The following POR variants were observed in gnomAD, a reference collection of about 807,000 sequenced individuals.
The protein encoded by POR is NADPH--cytochrome P450 reductase.
In POR, 56 loss-of-function variants were observed where a neutral mutation model predicts 84.0. The ratio of observed to expected loss-of-function variants is 0.67; its 90% CI spans 0.54 to 0.83. The LOEUF is 0.83. POR is among the 40% of genes least tolerant of loss of function. POR has a pLI of 0.00. For missense variants in POR, 938 were observed against 944.3 expected, an observed-to-expected ratio of 0.99 and a Z score of 0.09; for synonymous variants, 414 against 400.5, an observed-to-expected ratio of 1.03 and a Z score of -0.40.
At chr7:75,923,640 C>T (rs551525243) in intron 1 of POR, among the ~76,000 whole-genome samples, 27 of 152,248 alleles carry the variant, frequency 1.8e-4, no homozygotes, top group Admixed American at 9.8e-4. Context: ...ATAATCCTAG[C>T]ACTTTGGGAG....
rs781824220 is a variant in POR, at chr7:75,981,088, C to A, written c.557C>A (p.Ala186Asp). 3.8e-6 allele frequency: 6 copies of A among 1,574,578 alleles called. No homozygotes were observed. In the South Asian group the frequency reaches 5.8e-5, roughly 15 times the overall value. ...AACAAGACCTACGAGCACTTCAATG[C>A]CATGGGCAAGTACGTGGACAAGCGG... Residue 186 changes from alanine (A) to aspartate (D), a missense_variant, in exon 6 of 16, where the codon GCC becomes GAC. Ala to Asp is a moderately radical substitution (Grantham distance 126). Transcript: ENST00000461988.
At chr7:75,985,515 CT>C in intron 12 of POR, 63 bp from the exon 13 acceptor site, 1 of 1,452,046 alleles carries the variant, frequency 6.9e-7, no homozygotes, top group South Asian at 1.5e-5. Flanking sequence ...CAGAACGGGA[CT>C]TGGGGCCGGG....
chr7:75,980,228 C>T (rs1788935556), intron 4 of POR, 111 bp from the exon 5 acceptor site: 1 of 1,309,098 alleles, frequency 7.6e-7, no homozygotes, highest in South Asian at 1.4e-5. Context: ...ACTCAGACAT[C>T]CCTGGCCTGG....
At chr7:75,927,114 A>G (rs1166554677) in intron 1 of POR, among the ~76,000 whole-genome samples, 1 of 152,196 alleles carries the variant, frequency 6.6e-6, no homozygotes, top group Non-Finnish European at 1.5e-5. Flanking sequence ...TGGTTCCACC[A>G]TTTATCGATT....
intron 8 of POR, 155 bp from the exon 9 acceptor site, chr7:75,983,365 G>C: frequency 1.6e-6 from 1 of 614,898 alleles, no homozygotes; most frequent in Non-Finnish European, 2.9e-6. Context: ...GAACTGCATT[G>C]GACCAGGCTG....
At chr7:75,977,568 G>A (rs1554557026) in intron 3 of POR, among the ~76,000 whole-genome samples, 1 of 152,180 alleles carries the variant, frequency 6.6e-6, no homozygotes, top group Non-Finnish European at 1.5e-5. Flanking sequence ...CTGAGGTCAG[G>A]AGTTCGAGAC....
At chr7:75,963,557 T>G (rs560849081) in intron 2 of POR, among the ~76,000 whole-genome samples, 2 of 152,184 alleles carry the variant, frequency 1.3e-5, no homozygotes, top group Admixed American at 1.3e-4. Flanking sequence ...CTGACTTCAC[T>G]GGGCCCTGTC....
At chr7:75,981,694 C>A in intron 7 of POR, 88 bp downstream of exon 7, 2 of 1,129,298 alleles carry the variant, frequency 1.8e-6, no homozygotes, top group Non-Finnish European at 1.3e-6. Context: ...GGCAGTGGGT[C>A]GCAGCAAGGT....
chr7:75,973,515 G>C (rs782397503), intron 3 of POR, among the ~76,000 whole-genome samples: 3 of 151,260 alleles, frequency 2.0e-5, no homozygotes, highest in African/African-American at 7.3e-5. Flanking sequence ...ACAGGTTCTC[G>C]CTATGTTGCC....
intron 1 of POR, among the ~76,000 whole-genome samples, chr7:75,943,181 C>T (rs1015279565): frequency 3.3e-5 from 5 of 152,044 alleles, no homozygotes; most frequent in Non-Finnish European, 5.9e-5. Context: ...TCGATCTCCT[C>T]ACCTTGTGAT....
In POR at chr7:75,986,404, A is replaced by G. The variant is rs782091189; in HGVS notation, c.1966A>G (p.Met656Val). The G allele has an allele frequency of 5.6e-6, 9 of 1,612,460 alleles. No homozygotes were observed. In the South Asian group the frequency reaches 7.7e-5, roughly 14 times the overall value. Residue 656 changes from methionine (M) to valine (V), a missense_variant, in exon 16 of 16, where the codon ATG becomes GTG. By Grantham distance (21) the Met-to-Val change is conservative. Transcript: ENST00000461988. The stretch of plus-strand genomic sequence containing the variant: ...CGACATCGTGGCTGAGCTCGGGGCC[A>G]TGGAGCACGCGCAGGCGGTGGACTA...
At chr7:75,977,504 G>A (rs576795661) in intron 3 of POR, among the ~76,000 whole-genome samples, 44 of 152,270 alleles carry the variant, frequency 2.9e-4, no homozygotes, top group African/African-American at 9.4e-4. Flanking sequence ...GGCTGGGTGC[G>A]GTGGCTCACG....
intron 3 of POR, among the ~76,000 whole-genome samples, chr7:75,975,166 T>C (rs1321571232): frequency 5.3e-5 from 8 of 152,076 alleles, no homozygotes; most frequent in Non-Finnish European, 7.4e-5. Flanking sequence ...TATTTTTTTT[T>C]TCTAGTACTT....
intron 2 of POR, among the ~76,000 whole-genome samples, chr7:75,968,575 G>A (rs1788290717): frequency 6.6e-6 from 1 of 152,242 alleles, no homozygotes; most frequent in African/African-American, 2.4e-5. Flanking sequence ...CCCCCAGCAG[G>A]GCCTTGGGTT....
rs182224316 is a variant in POR, at chr7:75,928,703, C to T, written c.-5+13524C>T. On this transcript the variant is annotated intron_variant, in intron 1 of 15. Coordinates refer to ENST00000461988, the MANE Select transcript of POR (RefSeq NM_000941.3). ...GCTTGAAGCCATGTGATGTGGGTCACTGCCCAGGAGGACTTTTTTCTAGTG... is the reference window on the plus strand; with the variant it reads ...GCTTGAAGCCATGTGATGTGGGTCATTGCCCAGGAGGACTTTTTTCTAGTG... 2.1e-5 allele frequency among the ~76,000 whole-genome samples: 3 copies of T among 140,048 alleles called. No homozygotes were observed. In the East Asian group the frequency reaches 6.3e-4, roughly 29 times the overall value. The allele number at this position is 140,048 out of a possible 152,430, so 91.9% of individuals were successfully genotyped here.
At chr7:75,962,778 A>G (rs1554554683) in intron 2 of POR, among the ~76,000 whole-genome samples, 1 of 152,174 alleles carries the variant, frequency 6.6e-6, no homozygotes, top group African/African-American at 2.4e-5. Context: ...GCAACTGCCA[A>G]TCTTATTTCT....
At chr7:75,984,050 C>T (rs912019417) in intron 10 of POR, among the ~76,000 whole-genome samples, 194 bp downstream of exon 10, 3 of 152,172 alleles carry the variant, frequency 2.0e-5, no homozygotes, top group African/African-American at 4.8e-5. Context: ...CCCTCTCTGT[C>T]GGGGTTCCCC....
intron 10 of POR, 125 bp downstream of exon 10, chr7:75,983,981 A>G: frequency 4.3e-6 from 3 of 692,722 alleles, no homozygotes; most frequent in Admixed American, 3.1e-5. Flanking sequence ...CCTTGCACCG[A>G]GACTCCACGG....
At chr7:75,950,836 G>C (rs1275410657) in intron 1 of POR, among the ~76,000 whole-genome samples, 1 of 150,738 alleles carries the variant, frequency 6.6e-6, no homozygotes, top group Non-Finnish European at 1.5e-5. Flanking sequence ...GCCGAGGCAG[G>C]ATCACGAGGT....
Sources: gnomAD v4.1 joint callset for allele counts (sites outside exome capture counted in the v4.1 genomes callset) on GRCh38, gnomAD v4.1.1 for gene constraint, MANE v1.5 for transcripts, NCBI Gene and HGNC (gene_info 2026-07-23, HGNC 2026-07-21) for gene names.